MAN1A2: variants seen among roughly 807,000 people sequenced by gnomAD.
MAN1A2 encodes mannosidase alpha class 1A member 2, also known as mannosyl-oligosaccharide 1,2-alpha-mannosidase IB.
MAN1A2 carries 26 observed loss-of-function variants against 75.7 expected under a neutral mutation model. The ratio of observed to expected loss-of-function variants is 0.34; its 90% confidence interval spans 0.25 to 0.48. The LOEUF is 0.48. MAN1A2 is among the 20% of genes least tolerant of loss of function. The pLI is 0.99. For synonymous variants in MAN1A2, 247 were observed against 264.6 expected (o/e 0.93, Z 0.65); for missense variants, 562 against 775.5 (o/e 0.72, Z 3.27).
intron 6 of MAN1A2, among the ~76,000 whole-genome samples, chr1:117,448,859 C>A (rs907011290): frequency 5.3e-5 from 8 of 152,020 alleles, no homozygotes; most frequent in African/African-American, 1.9e-4. Flanking sequence ...TGCAGATATT[C>A]TTTTTTTCCT....
rs1424950185 is a variant in MAN1A2 at position 117,528,654 on chromosome 1, T to C, written c.*5697T>C. The C allele has an allele frequency of 6.6e-6, 1 of 152,086 alleles. No individual in the cohort carries two copies. The highest frequency in any genetic ancestry group is 2.4e-5 in the African/African-American group (1 of 41,412). The allele number at this position is 152,086 out of a possible 1,614,324, so 9.4% of individuals were successfully genotyped here. On this transcript the variant is annotated 3_prime_UTR_variant, in exon 13 of 13. Transcript: ENST00000356554. ...AGTATCTTCAATTTTAATTACTGGATTTGGAAGTTGAAATGCCATCCTTCA... is the reference window on the plus strand; with the variant it reads ...AGTATCTTCAATTTTAATTACTGGACTTGGAAGTTGAAATGCCATCCTTCA...
chr1:117,526,292 T>C lies in MAN1A2; in HGVS notation c.*3335T>C, dbSNP rs1317292298. The stretch of plus-strand genomic sequence containing the variant: ...TCAATCATTAGAATGTTTTATGTGA[T>C]TCCACAGCATTTTCTGTATGAGAGT... On this transcript the variant is annotated 3_prime_UTR_variant, in exon 13 of 13. Coordinates refer to ENST00000356554, the MANE Select transcript of MAN1A2 (RefSeq NM_006699.5). The C allele has an allele frequency of 6.6e-6, 1 of 151,844 alleles. No individual in the cohort carries two copies. Among genetic ancestry groups the C allele is most frequent in the African/African-American group, 2.4e-5 (1 of 41,418 alleles). 9.4% of individuals were successfully genotyped at this position (151,844 alleles called of 1,614,324 possible). A position where few individuals can be genotyped will look rare whatever the true frequency, so the allele number is the denominator to read the frequency against.
chr1:117,494,984 G>C (rs1046851038), intron 9 of MAN1A2: 4 of 151,704 alleles, frequency 2.6e-5, no homozygotes, highest in Admixed American at 1.3e-4. Flanking sequence ...CATATACCAT[G>C]TAATAAATTA....
At chr1:117,489,323 A>G (rs1292578479) in intron 8 of MAN1A2, among the ~76,000 whole-genome samples, 1 of 152,104 alleles carries the variant, frequency 6.6e-6, no homozygotes, top group Non-Finnish European at 1.5e-5. Flanking sequence ...AGTTTCAACA[A>G]CTGGGAACCA....
chr1:117,468,545 C>T (rs1469388835), intron 8 of MAN1A2, among the ~76,000 whole-genome samples: 5 of 152,054 alleles, frequency 3.3e-5, no homozygotes, highest in African/African-American at 1.2e-4. Context: ...AGTCACTAGC[C>T]ACATGTGACC....
intron 5 of MAN1A2, among the ~76,000 whole-genome samples, chr1:117,440,596 C>A (rs1029222810): frequency 6.6e-6 from 1 of 151,776 alleles, no homozygotes; most frequent in African/African-American, 2.4e-5. Context: ...GTGTTGTTTT[C>A]TTTTAGACCT....
In MAN1A2 at chr1:117,496,813, T is replaced by C. The variant is rs761039604; in HGVS notation, c.1335T>C (p.Ile445=). The stretch of plus-strand genomic sequence containing the variant: ...AGTCTCGTGGAGGTCTTACCTTTAT[T>C]GGAGAATGGAAGAATGGGCACTTGG... The part of the protein sequence containing the change: ...IKKSRGGLTF[I]GEWKNGHLEK... Residue 445 remains isoleucine, a synonymous_variant, in exon 10 of 13, where the codon ATT becomes ATC. Coordinates refer to ENST00000356554, the MANE Select transcript of MAN1A2 (RefSeq NM_006699.5). 1.2e-6 allele frequency: 2 copies of C among 1,612,624 alleles called. No individual in the cohort carries two copies. The highest frequency in any genetic ancestry group is 2.2e-5 in the South Asian group (2 of 91,018).
At chr1:117,404,664 T>C (rs1020841058) in intron 2 of MAN1A2, among the ~76,000 whole-genome samples, 1 of 152,194 alleles carries the variant, frequency 6.6e-6, no homozygotes, top group Non-Finnish European at 1.5e-5. Context: ...AACTTGATTG[T>C]TCCTACCTGA....
intron 1 of MAN1A2, among the ~76,000 whole-genome samples, chr1:117,389,325 G>C (rs1224562244): frequency 2.0e-5 from 3 of 152,178 alleles, no homozygotes; most frequent in African/African-American, 7.2e-5. Context: ...GGTGGGGTGG[G>C]GGATGATGGC....
chr1:117,462,982 A>G (rs1483347272), intron 7 of MAN1A2, among the ~76,000 whole-genome samples: 2 of 152,098 alleles, frequency 1.3e-5, no homozygotes, highest in Admixed American at 1.3e-4. Context: ...GTCGAGATAT[A>G]TATGTATATT....
At chr1:117,387,488 A>G (rs1653574128) in intron 1 of MAN1A2, among the ~76,000 whole-genome samples, 1 of 152,222 alleles carries the variant, frequency 6.6e-6, no homozygotes, top group Non-Finnish European at 1.5e-5. Flanking sequence ...CGCATAAGCT[A>G]TCTCATTTCT....
chr1:117,526,513 T>C lies in MAN1A2; in HGVS notation c.*3556T>C, dbSNP rs1652023916. The C allele has an allele frequency of 6.6e-6, 1 of 151,824 alleles. No homozygotes were observed. The highest frequency in any genetic ancestry group is 1.5e-5 in the Non-Finnish European group (1 of 67,788). The allele number at this position is 151,824 out of a possible 1,614,324, so 9.4% of individuals were successfully genotyped here. ...TGTCAAAGAAATACTTGATTTCTGA[T>C]GCAACTTTGACTAAAATATTTACTT... On this transcript the variant is annotated 3_prime_UTR_variant, in exon 13 of 13. Transcript: ENST00000356554.
chr1:117,478,378 A>G (rs536299442), intron 8 of MAN1A2, among the ~76,000 whole-genome samples: 1 of 152,016 alleles, frequency 6.6e-6, no homozygotes, highest in East Asian at 1.9e-4. Flanking sequence ...CCATCTTTTA[A>G]TTCTCTTAAT....
At chr1:117,408,105 C>T (rs1378589492) in intron 3 of MAN1A2, among the ~76,000 whole-genome samples, 2 of 151,930 alleles carry the variant, frequency 1.3e-5, no homozygotes, top group Non-Finnish European at 2.9e-5. Context: ...AGCACTGATA[C>T]TAATTATTCT....
chr1:117,397,648 T>TCC (rs1464385139), intron 1 of MAN1A2, among the ~76,000 whole-genome samples: 256 of 143,422 alleles, frequency 1.8e-3, no homozygotes, highest in Non-Finnish European at 2.5e-3. Flanking sequence ...TAACCCCCTT[T>TCC]TTTTTTTTTT....
intron 8 of MAN1A2, among the ~76,000 whole-genome samples, chr1:117,484,758 T>C (rs1650619056): frequency 6.6e-6 from 1 of 152,118 alleles, no homozygotes; most frequent in East Asian, 1.9e-4. Flanking sequence ...TATGTCTGTG[T>C]ATATGTAAGT....
At chr1:117,440,857 T>C (rs1649008334) in intron 5 of MAN1A2, among the ~76,000 whole-genome samples, 1 of 152,144 alleles carries the variant, frequency 6.6e-6, no homozygotes, top group African/African-American at 2.4e-5. Context: ...GTCTTTATGG[T>C]AAACAGAAGC....
rs1182992310 is a variant in MAN1A2 at position 117,368,335 on chromosome 1, T to G, written c.152T>G (p.Phe51Cys). The G allele has an allele frequency of 1.2e-6, 2 of 1,614,036 alleles. No homozygotes were observed. The highest frequency in any genetic ancestry group is 2.7e-5 in the African/African-American group (2 of 74,908). Residue 51 changes from phenylalanine (F) to cysteine (C), a missense_variant, in exon 1 of 13, where the codon TTT (phenylalanine) becomes TGT (cysteine). Physicochemically the swap from Phe to Cys is radical, Grantham distance 205. Transcript: ENST00000356554. Reference sequence around the variant, plus strand: ...CTTAGTGCCTTCATCACTCTGTGTTTTGGGGCATTCTTTTTCCTTCCAGAC... The same window carrying G: ...CTTAGTGCCTTCATCACTCTGTGTTGTGGGGCATTCTTTTTCCTTCCAGAC... Reference protein sequence around the residue: ...LILSAFITLCFGAFFFLPDSS... With the variant: ...LILSAFITLCCGAFFFLPDSS...
chr1:117,454,309 C>T (rs1185215243), intron 6 of MAN1A2, among the ~76,000 whole-genome samples: 2 of 151,870 alleles, frequency 1.3e-5, no homozygotes, highest in Non-Finnish European at 2.9e-5. Context: ...TTGATGGAAC[C>T]CAGCAGGATA....
Sources: gnomAD v4.1 joint callset for allele counts (sites outside exome capture counted in the v4.1 genomes callset) on GRCh38, gnomAD v4.1.1 for gene constraint, MANE v1.5 for transcripts, NCBI Gene and HGNC (gene_info 2026-07-23, HGNC 2026-07-21) for gene names.